The following CDK5RAP2 variants were observed in gnomAD, a reference collection of about 807,000 sequenced individuals.
The protein encoded by CDK5RAP2 is CDK5 regulatory subunit associated protein 2.
CDK5RAP2 carries 147 observed loss-of-function variants against 232.9 expected under a neutral mutation model. The observed-to-expected ratio is 0.63, with a 90% CI of 0.55 to 0.72. The LOEUF (loss-of-function observed/expected upper bound fraction) is 0.72. CDK5RAP2 is among the 30% of genes least tolerant of loss of function. The pLI is 0.00. For synonymous variants in CDK5RAP2, 833 were observed against 833.7 expected, an observed-to-expected ratio of 1.00 and a Z score of 0.01; for missense variants, 2,195 against 2,231.5, an observed-to-expected ratio of 0.98 and a Z score of 0.33.
At chr9:120,455,944 C>A (rs926134035) in intron 20 of CDK5RAP2, among the ~76,000 whole-genome samples, 1 of 152,004 alleles carries the variant, frequency 6.6e-6, no homozygotes, top group African/African-American at 2.4e-5. Flanking sequence ...CAGGAGAAAA[C>A]CCACAGCTGC....
chr9:120,537,961 G>A (rs1322407265), intron 6 of CDK5RAP2, among the ~76,000 whole-genome samples: 1 of 152,208 alleles, frequency 6.6e-6, no homozygotes, highest in African/African-American at 2.4e-5. Flanking sequence ...AAGTGACAGA[G>A]CAGAGACCTG....
chr9:120,476,237 T>C (rs1390560229), intron 15 of CDK5RAP2, among the ~76,000 whole-genome samples: 3 of 150,812 alleles, frequency 2.0e-5, no homozygotes, highest in Non-Finnish European at 3.0e-5. Context: ...AAAAAACTAC[T>C]GTAATGAACC....
chr9:120,411,127 G>A (rs953280049), intron 29 of CDK5RAP2, among the ~76,000 whole-genome samples: 7 of 152,160 alleles, frequency 4.6e-5, no homozygotes, highest in African/African-American at 1.4e-4. Flanking sequence ...GCTTTACACC[G>A]TTCAACTGTC....
chr9:120,432,164 C>CCATT (rs2035321434), intron 25 of CDK5RAP2, among the ~76,000 whole-genome samples: 1 of 152,170 alleles, frequency 6.6e-6, no homozygotes, highest in Non-Finnish European at 1.5e-5. Flanking sequence ...GAATGTTCAT[C>CCATT]TAATGGGGAA....
intron 8 of CDK5RAP2, 123 bp from the exon 9 acceptor site, chr9:120,528,920 A>C (rs567945138): frequency 3.9e-5 from 29 of 734,662 alleles, no homozygotes; most frequent in Non-Finnish European, 6.7e-5. Flanking sequence ...GAACTCGTTA[A>C]AACAAGTGTC....
At chr9:120,531,606 A>C (rs999899178) in intron 7 of CDK5RAP2, among the ~76,000 whole-genome samples, 45 of 151,904 alleles carry the variant, frequency 3.0e-4, no homozygotes, top group African/African-American at 1.1e-3. Flanking sequence ...GACAGTTGTT[A>C]TAATTATTAC....
At chr9:120,577,118 C>G (rs913710008) in intron 1 of CDK5RAP2, among the ~76,000 whole-genome samples, 1 of 151,904 alleles carries the variant, frequency 6.6e-6, no homozygotes, top group East Asian at 1.9e-4. Flanking sequence ...TCCCAGCACT[C>G]TGGGAGGCCG....
intron 25 of CDK5RAP2, among the ~76,000 whole-genome samples, chr9:120,435,804 C>A (rs1430123712): frequency 6.6e-6 from 1 of 152,010 alleles, no homozygotes; most frequent in Non-Finnish European, 1.5e-5. Context: ...AATCTTTAAG[C>A]CCACACTGAT....
chr9:120,525,067 A>T lies in CDK5RAP2; in HGVS notation c.1011T>A (p.Leu337=). 6.2e-7 allele frequency: 1 copy of T among 1,613,756 alleles called. No individual in the cohort carries two copies. Among genetic ancestry groups the T allele is most frequent in the South Asian group, 1.1e-5 (1 of 91,074 alleles). The change falls in exon 11 of 38, where the codon CTT becomes CTA. Residue 337 remains leucine, a synonymous_variant. Coordinates refer to ENST00000349780, the MANE Select transcript of CDK5RAP2 (RefSeq NM_018249.6). ...LKSKEKKVEE[L]NSEIEKLSAA... ...CACTGAGCTTTTCAATTTCAGAGTT[A>T]AGTTCTTCAACCTGGGGAAAAATAA...
intron 1 of CDK5RAP2, among the ~76,000 whole-genome samples, chr9:120,578,911 T>G (rs7857382): frequency 0.87 from 131,855 of 152,130 alleles, 57,750 homozygotes; most frequent in Non-Finnish European, 0.93. Context: ...AATAACATGG[T>G]CACCCTTTCA....
At chr9:120,515,395 T>C (rs564655272) in intron 12 of CDK5RAP2, among the ~76,000 whole-genome samples, 1 of 152,376 alleles carries the variant, frequency 6.6e-6, no homozygotes, top group African/African-American at 2.4e-5. Context: ...GTACAGGTTA[T>C]ATTAATTAAC....
Position 120,527,019 on chromosome 9 carries a change from C to T in CDK5RAP2, c.999+787G>A, listed in dbSNP as rs2040930051. On this transcript the variant is annotated intron_variant, in intron 10 of 37. Transcript: ENST00000349780. Reference sequence around the variant, plus strand: ...CTGGATCAGGTCCCCTTCCCTCTGCCTCCCCAGCTCCCTACACTTCCCTCA... The same window carrying T: ...CTGGATCAGGTCCCCTTCCCTCTGCTTCCCCAGCTCCCTACACTTCCCTCA... Among the ~76,000 whole-genome samples, 3 of 151,890 alleles carry T rather than the reference C, an allele frequency of 2.0e-5. No individual in the cohort carries two copies. The South Asian group carries it at 6.2e-4, about 32-fold the overall frequency.
intron 14 of CDK5RAP2, among the ~76,000 whole-genome samples, chr9:120,478,860 C>G (rs1427866986): frequency 6.6e-6 from 1 of 151,786 alleles, no homozygotes; most frequent in Non-Finnish European, 1.5e-5. Context: ...TTTCATCACA[C>G]AAAAAAAGGT....
rs1175569282 is a variant in CDK5RAP2 at position 120,394,594 on chromosome 9, C to T, written c.5496G>A (p.Leu1832=). ...KAEVTKLHKK[L]FEQEKKLQNT... is the part of the protein sequence containing the mutation. ...TTTGCAACTTCTTTTCTTGTTCAAA[C>T]AATTTTTTATGTAGTTTGGTGACCT... Residue 1832 remains leucine (L), a synonymous_variant, in exon 36 of 38, where the codon TTG becomes TTA. Coordinates refer to ENST00000349780, the MANE Select transcript of CDK5RAP2 (RefSeq NM_018249.6). The T allele has an allele frequency of 6.2e-7, 1 of 1,614,130 alleles. No individual in the cohort carries two copies. The highest frequency in any genetic ancestry group is 8.5e-7 in the Non-Finnish European group (1 of 1,180,008).
chr9:120,436,727 G>A (rs1415783388), intron 25 of CDK5RAP2, among the ~76,000 whole-genome samples: 1 of 152,090 alleles, frequency 6.6e-6, no homozygotes, highest in Non-Finnish European at 1.5e-5. Flanking sequence ...AACTGATGAA[G>A]CTGGGTGCAC....
At chr9:120,425,816 T>C (rs1168260799) in intron 25 of CDK5RAP2, among the ~76,000 whole-genome samples, 1 of 152,254 alleles carries the variant, frequency 6.6e-6, no homozygotes, top group Non-Finnish European at 1.5e-5. Context: ...CTCAGGTTCC[T>C]GTGCCAGACA....
At chr9:120,430,750 T>C (rs1198203484) in intron 25 of CDK5RAP2, among the ~76,000 whole-genome samples, 1 of 151,660 alleles carries the variant, frequency 6.6e-6, no homozygotes, top group Admixed American at 6.6e-5. Flanking sequence ...GACCCAGCCA[T>C]CCCATTACTG....
chr9:120,539,927 C>A (rs1332036360), intron 5 of CDK5RAP2, among the ~76,000 whole-genome samples: 1 of 152,172 alleles, frequency 6.6e-6, no homozygotes, highest in Non-Finnish European at 1.5e-5. Flanking sequence ...GAGCAGTATG[C>A]AACGAAGTCT....
chr9:120,556,644 GTCT>G (rs2042240258), intron 3 of CDK5RAP2, among the ~76,000 whole-genome samples: 1 of 151,898 alleles, frequency 6.6e-6, no homozygotes, highest in Admixed American at 6.6e-5. Context: ...GGCCAGGCTG[GTCT>G]TGAACTCCTG....
Sources: allele counts gnomAD v4.1 joint callset (sites outside exome capture counted in the v4.1 genomes callset), GRCh38; gene constraint gnomAD v4.1.1; transcripts MANE v1.5; gene names NCBI Gene and HGNC (gene_info 2026-07-23, HGNC 2026-07-21).